Variants in BCAS3 observed in about 807,000 individuals in gnomAD.
BCAS3 encodes BCAS3 microtubule associated cell migration factor.
Under a neutral mutation model 116.1 loss-of-function variants are expected in BCAS3, and 53 were observed. The observed-to-expected ratio is 0.46, with a 90% CI of 0.37 to 0.57. The LOEUF (loss-of-function observed/expected upper bound fraction) is 0.57. Among genes scored for constraint, BCAS3 ranks in the 20% least tolerant of loss-of-function variants. BCAS3 has a pLI of 0.00. For missense variants in BCAS3, 917 were observed against 1,165.4 expected (o/e 0.79, Z 3.10); for synonymous variants, 391 against 408.2 (o/e 0.96, Z 0.51).
chr17:61,233,252 T>G lies in BCAS3; in HGVS notation c.2426-135075T>G, dbSNP rs1463974351. Reference sequence around the variant, plus strand: ...TGGGAAGGTTCTGAATGCCCAAGTTTCATTTAGGAAGCTTCACACCTTTGA... The same window carrying G: ...TGGGAAGGTTCTGAATGCCCAAGTTGCATTTAGGAAGCTTCACACCTTTGA... On this transcript the variant is annotated intron_variant, in intron 22 of 23. Coordinates refer to ENST00000407086, the MANE Select transcript of BCAS3 (RefSeq NM_017679.5). The surrounding 1 kb of genome is among the most constrained non-coding windows in gnomAD (Gnocchi z 4.3). Among the ~76,000 whole-genome samples, 1 of 152,192 alleles carries G rather than the reference T, an allele frequency of 6.6e-6. No homozygotes were observed. The highest frequency in any genetic ancestry group is 1.5e-5 in the Non-Finnish European group (1 of 68,032).
intron 22 of BCAS3, among the ~76,000 whole-genome samples, chr17:61,305,647 G>A (rs1344466789): frequency 6.6e-6 from 1 of 152,244 alleles, no homozygotes; most frequent in Non-Finnish European, 1.5e-5. Context: ...TGTAATCCCA[G>A]CACTCTGGGA....
Position 61,245,217 on chromosome 17 carries a change from A to C in BCAS3, c.2426-123110A>C, listed in dbSNP as rs969822167. On this transcript the variant is annotated intron_variant, in intron 22 of 23. Coordinates refer to ENST00000407086, the MANE Select transcript of BCAS3 (RefSeq NM_017679.5). ...GGGAAGCCCCTTAGAAAACCATCAGATCTCGTGAGAACCAACTCACTAAAA... is the reference window on the plus strand; with the variant it reads ...GGGAAGCCCCTTAGAAAACCATCAGCTCTCGTGAGAACCAACTCACTAAAA... The C allele has an allele frequency of 3.9e-5, 6 of 152,184 alleles. 1 individual carries two copies. Among genetic ancestry groups the C allele is most frequent in the South Asian group, 4.2e-4 (2 of 4,818 alleles). 9.4% of individuals were successfully genotyped at this position (152,184 alleles called of 1,614,324 possible).
chr17:60,706,731 C>T (rs1343678167), intron 4 of BCAS3, among the ~76,000 whole-genome samples: 1 of 151,510 alleles, frequency 6.6e-6, no homozygotes, highest in Non-Finnish European at 1.5e-5. Context: ...TGTATTCCAG[C>T]CTGGACAACA....
intron 19 of BCAS3, among the ~76,000 whole-genome samples, chr17:61,050,179 A>G (rs1487379209): frequency 6.6e-6 from 1 of 152,044 alleles, no homozygotes; most frequent in Non-Finnish European, 1.5e-5. Context: ...CTTCATATGA[A>G]ATGTTAAAGG....
chr17:60,730,235 A>G (rs754777249), intron 5 of BCAS3, among the ~76,000 whole-genome samples: 3 of 152,176 alleles, frequency 2.0e-5, no homozygotes, highest in Non-Finnish European at 4.4e-5. Context: ...ACTCCTTTCT[A>G]TGTGTGCAAA....
chr17:61,163,090 G>C (rs1042598188), intron 22 of BCAS3, among the ~76,000 whole-genome samples: 1 of 152,128 alleles, frequency 6.6e-6, no homozygotes, highest in Non-Finnish European at 1.5e-5. Flanking sequence ...CCTACTAAAT[G>C]AGTAAAACCC....
intron 21 of BCAS3, among the ~76,000 whole-genome samples, chr17:61,079,565 A>G (rs1208619015): frequency 2.0e-5 from 3 of 151,708 alleles, no homozygotes; most frequent in South Asian, 4.2e-4. Flanking sequence ...TCTCACCCCT[A>G]TTCTTTGTCA....
intron 22 of BCAS3, among the ~76,000 whole-genome samples, chr17:61,272,723 G>A (rs747904296): frequency 6.9e-6 from 1 of 144,142 alleles, no homozygotes; most frequent in Admixed American, 7.2e-5. Context: ...TATATAAGTC[G>A]TAGTGTGTAA....
At chr17:61,306,156 A>C (rs1427496965) in intron 22 of BCAS3, among the ~76,000 whole-genome samples, 2 of 152,226 alleles carry the variant, frequency 1.3e-5, no homozygotes, top group African/African-American at 4.8e-5. Context: ...TATATGTGGA[A>C]AAGCAGTGCA....
Position 61,388,958 on chromosome 17 carries a change from C to T in BCAS3, c.2594-3019C>T. The T allele has an allele frequency of 2.2e-6, 1 of 457,722 alleles. No individual in the cohort carries two copies. The allele number at this position is 457,722 out of a possible 1,614,324, so 28.4% of individuals were successfully genotyped here. A position where few individuals can be genotyped will look rare whatever the true frequency, so the allele number is the denominator to read the frequency against. On this transcript the variant is annotated intron_variant, in intron 23 of 23. Transcript: ENST00000407086. The surrounding 1 kb of genome is among the most constrained non-coding windows in gnomAD (Gnocchi z 6.5). Reference sequence around the variant, plus strand: ...AATGGGCCCCCACCTCCCCTTACCACATCATTCATTCATTCATTCATTCAT... The same window carrying T: ...AATGGGCCCCCACCTCCCCTTACCATATCATTCATTCATTCATTCATTCAT...
rs2078202244 is a variant in BCAS3 at position 61,162,093 on chromosome 17, T to C, written c.2425+77529T>C. On this transcript the variant is annotated intron_variant, in intron 22 of 23. Coordinates refer to ENST00000407086, the MANE Select transcript of BCAS3 (RefSeq NM_017679.5). This position sits in a 1 kb window ranked among gnomAD's most constrained non-coding sequence, Gnocchi z 5.6. Reference sequence around the variant, plus strand: ...ATATAAAGTTTGATCTGTATGTGGATGGTTTTACTACCCCAAATGAAATGT... The same window carrying C: ...ATATAAAGTTTGATCTGTATGTGGACGGTTTTACTACCCCAAATGAAATGT... Among the ~76,000 whole-genome samples, 1 of 152,216 alleles carries C rather than the reference T, an allele frequency of 6.6e-6. No homozygotes were observed. The highest frequency in any genetic ancestry group is 2.4e-5 in the African/African-American group (1 of 41,456).
At chr17:60,941,581 A>G (rs1372738004) in intron 13 of BCAS3, among the ~76,000 whole-genome samples, 3 of 152,142 alleles carry the variant, frequency 2.0e-5, no homozygotes, top group Non-Finnish European at 4.4e-5. Context: ...TTTGTGAAAA[A>G]AGTAAACTTA....
At chr17:60,884,619 G>A (rs1422455819) in intron 9 of BCAS3, among the ~76,000 whole-genome samples, 2 of 140,506 alleles carry the variant, frequency 1.4e-5, no homozygotes, top group African/African-American at 5.6e-5. Context: ...CTTTGAATGC[G>A]TCCCAGAGAT....
At chr17:61,152,619 G>T (rs1226165138) in intron 22 of BCAS3, among the ~76,000 whole-genome samples, 1 of 152,064 alleles carries the variant, frequency 6.6e-6, no homozygotes, top group African/African-American at 2.4e-5. Context: ...GGTAGAGGAG[G>T]TAAGAAGAGA....
At chr17:60,785,142 A>G (rs1158281360) in intron 6 of BCAS3, among the ~76,000 whole-genome samples, 1 of 152,080 alleles carries the variant, frequency 6.6e-6, no homozygotes, top group East Asian at 1.9e-4. Flanking sequence ...CTTTTAACTT[A>G]GGAGTTTTTA....
intron 6 of BCAS3, among the ~76,000 whole-genome samples, chr17:60,779,236 A>AT (rs1238413304): frequency 6.6e-6 from 1 of 152,150 alleles, no homozygotes; most frequent in Non-Finnish European, 1.5e-5. Context: ...GAGTGCTGAC[A>AT]TGATGCCACA....
chr17:61,016,681 T>C (rs1419206604), intron 16 of BCAS3, among the ~76,000 whole-genome samples: 3 of 152,228 alleles, frequency 2.0e-5, no homozygotes, highest in Non-Finnish European at 2.9e-5. Flanking sequence ...TGAAGTTTAA[T>C]CTAATTTGAA....
At chr17:61,273,701 T>G (rs1207579658) in intron 22 of BCAS3, among the ~76,000 whole-genome samples, 1 of 151,482 alleles carries the variant, frequency 6.6e-6, no homozygotes, top group East Asian at 1.9e-4. Flanking sequence ...AGACCACTAA[T>G]ATTGTCGCAT....
At chr17:60,825,745 C>CAACCT (rs764330888) in intron 7 of BCAS3, among the ~76,000 whole-genome samples, 9 of 151,488 alleles carry the variant, frequency 5.9e-5, no homozygotes, top group Non-Finnish European at 8.8e-5. Context: ...GTGTTCTCTG[C>CAACCT]AACCTCTTTT....
Sources: gnomAD v4.1 joint callset for allele counts (sites outside exome capture counted in the v4.1 genomes callset) on GRCh38, gnomAD v4.1.1 for gene constraint, Gnocchi (gnomAD v3.1) non-coding constraint, MANE v1.5 for transcripts, NCBI Gene and HGNC (gene_info 2026-07-23, HGNC 2026-07-21) for gene names.